The following SCIN variants were observed in gnomAD, a reference collection of about 807,000 sequenced individuals.
SCIN encodes scinderin, also known as adseverin.
A neutral mutation model predicts 91.8 loss-of-function variants in SCIN; 91 were observed. That is an observed-to-expected ratio of 0.99 (90% CI 0.84 to 1.18). The LOEUF (loss-of-function observed/expected upper bound fraction) is 1.18. Among genes scored for constraint, SCIN ranks in the 50% most tolerant of loss-of-function variants. SCIN has a pLI of 0.00. For synonymous variants in SCIN, 367 were observed against 312.6 expected (o/e 1.17, Z -1.84); for missense variants, 1,087 against 863.9 (o/e 1.26, Z -3.24).
rs147303123 is a variant in SCIN, at chr7:12,621,473, A to T, written c.667-1328A>T. On this transcript the variant is annotated intron_variant, in intron 4 of 15. Transcript: ENST00000297029. ...GGGTCCGCCCACTGGGAGGTTTCCT[A>T]ATATTAGATATGCCCTTAACACAAA... Among the ~76,000 whole-genome samples, 3 of 152,078 alleles carry T rather than the reference A, an allele frequency of 2.0e-5. No homozygotes were observed. The East Asian group carries it at 5.8e-4, about 29-fold the overall frequency.
intron 3 of SCIN, among the ~76,000 whole-genome samples, chr7:12,594,844 T>C (rs538740299): frequency 4.1e-4 from 62 of 152,220 alleles, no homozygotes; most frequent in Non-Finnish European, 3.8e-4. Flanking sequence ...AGGAAGCCCT[T>C]GGCCCAGCGC....
chr7:12,610,166 G>T (rs556363387), intron 4 of SCIN, among the ~76,000 whole-genome samples: 32 of 152,246 alleles, frequency 2.1e-4, no homozygotes, highest in African/African-American at 6.7e-4. Flanking sequence ...AACTCCAAAG[G>T]TTCTCCCAAA....
chr7:12,606,189 G>A (rs766599509), intron 4 of SCIN, among the ~76,000 whole-genome samples: 53 of 152,234 alleles, frequency 3.5e-4, no homozygotes, highest in Non-Finnish European at 5.7e-4. Context: ...GTGTTCCATC[G>A]TGACTTTACA....
intron 3 of SCIN, among the ~76,000 whole-genome samples, chr7:12,587,791 G>A (rs922470048): frequency 6.6e-6 from 1 of 152,148 alleles, no homozygotes; most frequent in African/African-American, 2.4e-5. Flanking sequence ...CTTTGGGTTA[G>A]ATTTCCTACT....
At position 12,644,219 on chromosome 7, in the gene SCIN, G is replaced by T. The variant is rs763428140; in HGVS notation, c.1663G>T (p.Gly555Ter). The change falls in exon 12 of 16, where the codon GGA (glycine) becomes TGA (stop). Residue 555 changes from glycine to a stop codon, truncating the protein, a stop_gained. Transcript: ENST00000297029. LOFTEE classifies it high-confidence loss of function. ...ACAAAATAGTGGCTACATCTGGGTA[G>T]GAAAAGGTGCTAGCCAGGAGGAGGA... ...LPQNSGYIWV[G>*]KGASQEEEKG... 6.2e-7 allele frequency: 1 copy of T among 1,611,444 alleles called. No homozygotes were observed. The highest frequency in any genetic ancestry group is 8.5e-7 in the Non-Finnish European group (1 of 1,178,706).
chr7:12,625,167 G>C (rs757482934), intron 6 of SCIN, 25 bp downstream of exon 6: 3 of 1,590,694 alleles, frequency 1.9e-6, no homozygotes, highest in Non-Finnish European at 2.6e-6. Context: ...TGACGATGCT[G>C]TATTTCAGAT....
chr7:12,590,147 G>T (rs766033576), intron 3 of SCIN, among the ~76,000 whole-genome samples: 1 of 152,176 alleles, frequency 6.6e-6, no homozygotes, highest in East Asian at 1.9e-4. Flanking sequence ...ACCAAATGTA[G>T]GGATGATTTC....
intron 9 of SCIN, among the ~76,000 whole-genome samples, chr7:12,630,018 C>T (rs1783609752): frequency 6.6e-6 from 1 of 151,940 alleles, no homozygotes; most frequent in Admixed American, 6.6e-5. Flanking sequence ...GCGTAAGGTA[C>T]AAAGGCAGGG....
chr7:12,627,989 A>C (rs1783562946), intron 8 of SCIN, among the ~76,000 whole-genome samples: 1 of 152,016 alleles, frequency 6.6e-6, no homozygotes, highest in East Asian at 1.9e-4. Flanking sequence ...TTCAAAGCAA[A>C]GAGTCTGCCC....
At position 12,651,813 on chromosome 7, in the gene SCIN, T is replaced by C. The variant is rs377577974; in HGVS notation, c.1960-28T>C. On this transcript the variant is annotated intron_variant, in intron 14 of 15. Transcript: ENST00000297029. This position sits in a 1 kb window ranked among gnomAD's most constrained non-coding sequence, Gnocchi z 5.9. ...CACTGAGTCAACATCCCAGAAATCA[T>C]ACATATTGTTATTGTTTCATTTTTC... is the stretch of plus-strand genomic sequence containing the variant. 4.2e-6 allele frequency: 6 copies of C among 1,428,746 alleles called. No individual in the cohort carries two copies. Among genetic ancestry groups the C allele is most frequent in the African/African-American group, 2.8e-5 (2 of 71,134 alleles). 88.5% of individuals were successfully genotyped at this position (1,428,746 alleles called of 1,614,324 possible).
chr7:12,645,540 T>C (rs900807746), intron 13 of SCIN, among the ~76,000 whole-genome samples: 1 of 152,172 alleles, frequency 6.6e-6, no homozygotes, highest in African/African-American at 2.4e-5. Flanking sequence ...GTTCGTTACA[T>C]AGGTAAACTT....
At chr7:12,650,206 C>T (rs1370786488) in intron 14 of SCIN, among the ~76,000 whole-genome samples, 1 of 152,072 alleles carries the variant, frequency 6.6e-6, no homozygotes, top group Middle Eastern at 3.2e-3. Flanking sequence ...TAAGTTTGTT[C>T]CCAATTAATA....
intron 15 of SCIN, 94 bp from the exon 16 acceptor site, chr7:12,652,494 A>T: frequency 8.9e-7 from 1 of 1,124,012 alleles, no homozygotes; most frequent in Non-Finnish European, 1.3e-6. Context: ...CTGGAAATTT[A>T]ATTCATTACT....
At chr7:12,576,031 G>A (rs1782362641) in intron 1 of SCIN, among the ~76,000 whole-genome samples, 1 of 152,108 alleles carries the variant, frequency 6.6e-6, no homozygotes, top group Non-Finnish European at 1.5e-5. Context: ...TTAACTTCAT[G>A]CCTGTCCATT....
chr7:12,637,796 A>T (rs1783781592), intron 10 of SCIN, among the ~76,000 whole-genome samples: 1 of 152,200 alleles, frequency 6.6e-6, no homozygotes, highest in Non-Finnish European at 1.5e-5. Context: ...TGTAATTATA[A>T]ATGAGTCAAC....
intron 3 of SCIN, 99 bp downstream of exon 3, chr7:12,581,320 C>T (rs1782484277): frequency 1.6e-6 from 2 of 1,255,062 alleles, no homozygotes; most frequent in South Asian, 1.5e-5. Context: ...TTTTTCTACA[C>T]ACCAGAAAGG....
At chr7:12,582,499 T>A (rs945792753) in intron 3 of SCIN, among the ~76,000 whole-genome samples, 1 of 152,208 alleles carries the variant, frequency 6.6e-6, no homozygotes, top group Admixed American at 6.5e-5. Context: ...TCCAACTGTC[T>A]TGGATCATAC....
Position 12,625,073 on chromosome 7 carries a change from G to A in SCIN, c.823G>A (p.Ala275Thr), listed in dbSNP as rs1379619043. Residue 275 changes from alanine (A) to threonine (T), a missense_variant, in exon 6 of 16, where the codon GCA (alanine) becomes ACA (threonine). Transcript: ENST00000297029. ...VVAEENPFSMAMLLSEECFIL... is the reference protein window; with the variant it reads ...VVAEENPFSMTMLLSEECFIL... ...GGCAGAAGAAAACCCCTTCTCAATG[G>A]CAATGCTGCTGTCTGAAGAATGCTT... 1.2e-6 allele frequency: 2 copies of A among 1,601,166 alleles called. No homozygotes were observed. Among genetic ancestry groups the A allele is most frequent in the Non-Finnish European group, 1.7e-6 (2 of 1,173,318 alleles).
intron 4 of SCIN, among the ~76,000 whole-genome samples, chr7:12,607,847 A>C (rs1783110052): frequency 6.6e-6 from 1 of 152,196 alleles, no homozygotes. Flanking sequence ...TTTGACTTCT[A>C]GGCTTTCTTA....
Sources: gnomAD v4.1 joint callset for allele counts (sites outside exome capture counted in the v4.1 genomes callset) on GRCh38, gnomAD v4.1.1 for gene constraint, Gnocchi (gnomAD v3.1) non-coding constraint, MANE v1.5 for transcripts, NCBI Gene and HGNC (gene_info 2026-07-23, HGNC 2026-07-21) for gene names.